The following SIGLEC6 variants were observed in gnomAD, a reference collection of about 807,000 sequenced individuals.
The protein encoded by SIGLEC6 is sialic acid binding Ig like lectin 6.
In SIGLEC6, 31 loss-of-function variants were observed where a neutral mutation model predicts 41.4. That is an observed-to-expected ratio of 0.75 (90% CI 0.56 to 1.01). The LOEUF (loss-of-function observed/expected upper bound fraction) is 1.01, where lower values mean the gene tolerates loss of function less well. Among genes scored for constraint, SIGLEC6 ranks in the 50% least tolerant of loss-of-function variants. The probability of loss-of-function intolerance (pLI) is 0.00; values close to 1 mark genes in which losing one functional copy is unlikely to be tolerated. For missense variants in SIGLEC6, 555 were observed against 558.6 expected (o/e 0.99, Z 0.06); for synonymous variants, 217 against 231.0 (o/e 0.94, Z 0.55).
At position 51,529,931 on chromosome 19, in the gene SIGLEC6, C is replaced by T. The variant is rs763172194; in HGVS notation, c.805G>A (p.Ala269Thr). ...TSSLPVLEGQ[A>T]LRLLCDADGN... ...TCAGCATCACAGAGCAGCCGCAGAG[C>T]CTGGCCCTCCAGGACAGGGAGGGAC... Residue 269 changes from alanine (A) to threonine (T), a missense_variant, in exon 5 of 8, where the codon GCT (alanine) becomes ACT (threonine). Transcript: ENST00000425629. 6.2e-6 allele frequency: 10 copies of T among 1,612,156 alleles called. No homozygotes were observed. The highest frequency in any genetic ancestry group is 5.9e-6 in the Non-Finnish European group (7 of 1,178,842).
Position 51,530,832 on chromosome 19 carries a change from A to G in SIGLEC6, c.555T>C (p.Ala185=). The change falls in exon 3 of 8, where the codon GCT becomes GCC. Residue 185 remains alanine (A), a synonymous_variant. Coordinates refer to ENST00000425629, the MANE Select transcript of SIGLEC6 (RefSeq NM_001245.7). ...TCCTGGGGCCCAGGGAGGTGGGGGC[A>G]GCTGACATCCAGGAGAAGATGGGGG... ...GTPPIFSWMS[A]APTSLGPRTT... The G allele has an allele frequency of 2.5e-6, 4 of 1,613,996 alleles. No individual in the cohort carries two copies. The highest frequency in any genetic ancestry group is 3.4e-6 in the Non-Finnish European group (4 of 1,179,982).
In SIGLEC6 at chr19:51,520,109, C is replaced by T. The variant is rs987073538; in HGVS notation, c.1335G>A (p.Glu445=). ...QPQEPKVTDT[E]YSEIKIHK is the part of the protein sequence containing the mutation. ...ACTTGTGTATCTTGATTTCTGAGTACTCAGTGTCGGTGACCTTTGGTTCCT... is the reference window on the plus strand; with the variant it reads ...ACTTGTGTATCTTGATTTCTGAGTATTCAGTGTCGGTGACCTTTGGTTCCT... The change falls in exon 8 of 8, where the codon GAG becomes GAA. Residue 445 remains glutamate, a synonymous_variant. Coordinates refer to ENST00000425629, the MANE Select transcript of SIGLEC6 (RefSeq NM_001245.7). 6.9e-6 allele frequency: 11 copies of T among 1,583,590 alleles called. No homozygotes were observed. The East Asian group carries it at 2.0e-4, about 29-fold the overall frequency.
intron 7 of SIGLEC6, among the ~76,000 whole-genome samples, chr19:51,520,914 G>A (rs575452879): frequency 3.3e-5 from 5 of 152,318 alleles, no homozygotes; most frequent in African/African-American, 1.2e-4. Context: ...TGTAGGTCAT[G>A]TGACATGTGC....
In SIGLEC6 at chr19:51,531,342, T is replaced by A. The variant is rs777049895; in HGVS notation, c.245A>T (p.Asp82Val). 1.2e-6 allele frequency: 2 copies of A among 1,614,164 alleles called. No individual in the cohort carries two copies. Among genetic ancestry groups the A allele is most frequent in the Non-Finnish European group, 1.7e-6 (2 of 1,180,018 alleles). ...CCGGGTCTCCTCCTGCACTTCTTCGTCTGGGTCGTTTGTGGCCACTGGAAC... is the reference window on the plus strand; with the variant it reads ...CCGGGTCTCCTCCTGCACTTCTTCGACTGGGTCGTTTGTGGCCACTGGAAC... ...ADVPVATNDPDEEVQEETRGR... is the reference protein window; with the variant it reads ...ADVPVATNDPVEEVQEETRGR... Residue 82 changes from aspartate (D) to valine (V), a missense_variant, in exon 2 of 8, where the codon GAC becomes GTC. By Grantham distance (152) the Asp-to-Val change is radical. Coordinates refer to ENST00000425629, the MANE Select transcript of SIGLEC6 (RefSeq NM_001245.7).
At chr19:51,523,177 T>C (rs1016248592) in intron 7 of SIGLEC6, among the ~76,000 whole-genome samples, 2 of 151,026 alleles carry the variant, frequency 1.3e-5, no homozygotes, top group African/African-American at 4.9e-5. Flanking sequence ...TTTCTAGAGA[T>C]GAAAAATGGC....
At position 51,527,772 on chromosome 19, in the gene SIGLEC6, T is replaced by A; in HGVS notation, c.1163A>T (p.Asn388Ile). ...AQPVQNTDDV[N>I]PVMVSGSRGH... ...CCTGGAGCCTGAGACCATGACGGGG[T>A]TCACATCATCCGTGTTTTGCACTGG... The change falls in exon 7 of 8, where the codon AAC (asparagine) becomes ATC (isoleucine). Residue 388 changes from asparagine to isoleucine, a missense_variant. Physicochemically the swap from Asn to Ile is moderately radical, Grantham distance 149. Transcript: ENST00000425629. 2 of 1,613,956 alleles carry A rather than the reference T, an allele frequency of 1.2e-6. No homozygotes were observed. Among genetic ancestry groups the A allele is most frequent in the Non-Finnish European group, 1.7e-6 (2 of 1,179,956 alleles).
Position 51,530,917 on chromosome 19 carries a change from T to G in SIGLEC6, c.470A>C (p.Glu157Ala). The G allele has an allele frequency of 6.2e-7, 1 of 1,613,242 alleles. No individual in the cohort carries two copies. The highest frequency in any genetic ancestry group is 1.1e-5 in the South Asian group (1 of 91,080). The change falls in exon 3 of 8, where the codon GAG becomes GCG. Residue 157 changes from glutamate to alanine, a missense_variant. Physicochemically the swap from Glu to Ala is moderately radical, Grantham distance 107. Coordinates refer to ENST00000425629, the MANE Select transcript of SIGLEC6 (RefSeq NM_001245.7). ...GGTCAGATTGCTGGGATGGCCAGAC[T>G]CCAGGGTCCCTGGGATGGAGATGTT... ...RPNISIPGTLESGHPSNLTCS... is the reference protein window; with the variant it reads ...RPNISIPGTLASGHPSNLTCS...
chr19:51,527,762 C>G lies in SIGLEC6; in HGVS notation c.1173G>C (p.Met391Ile), dbSNP rs1231598800. 1 of 1,614,056 alleles carries G rather than the reference C, an allele frequency of 6.2e-7. No individual in the cohort carries two copies. The highest frequency in any genetic ancestry group is 8.5e-7 in the Non-Finnish European group (1 of 1,179,980). ...VQNTDDVNPVMVSGSRGHQHQ... is the reference protein window; with the variant it reads ...VQNTDDVNPVIVSGSRGHQHQ... ...TGTCACTCACCCTGGAGCCTGAGAC[C>G]ATGACGGGGTTCACATCATCCGTGT... The change falls in exon 7 of 8, where the codon ATG becomes ATC. Residue 391 changes from methionine to isoleucine, a missense_variant. Coordinates refer to ENST00000425629, the MANE Select transcript of SIGLEC6 (RefSeq NM_001245.7).
chr19:51,517,906 T>G lies in SIGLEC6; in HGVS notation c.*2176A>C, dbSNP rs972324366. 1.3e-5 allele frequency among the ~76,000 whole-genome samples: 2 copies of G among 152,170 alleles called. No individual in the cohort carries two copies. Among genetic ancestry groups the G allele is most frequent in the Non-Finnish European group, 2.9e-5 (2 of 68,018 alleles). On this transcript the variant is annotated 3_prime_UTR_variant, in exon 8 of 8. Coordinates refer to ENST00000425629, the MANE Select transcript of SIGLEC6 (RefSeq NM_001245.7). ...TCTATTTACACTCTTCTGAACTTTA[T>G]GTTATTATAGTTTCTGGGCTATATA...
In SIGLEC6 at chr19:51,519,934, C is replaced by G; in HGVS notation, c.*148G>C. On this transcript the variant is annotated 3_prime_UTR_variant, in exon 8 of 8. Transcript: ENST00000425629. ...ACCAACCCTGATAACACCTTGTTCT[C>G]AGACCTCTAACATCTGAAACTATAC... 1.5e-6 allele frequency: 1 copy of G among 658,002 alleles called. No homozygotes were observed. Among genetic ancestry groups the G allele is most frequent in the Non-Finnish European group, 2.3e-6 (1 of 431,186 alleles). The allele number at this position is 658,002 out of a possible 1,614,324, so 40.8% of individuals were successfully genotyped here.
chr19:51,529,682 G>T (rs201279112), intron 5 of SIGLEC6, 42 bp downstream of exon 5: 1 of 1,611,176 alleles, frequency 6.2e-7, no homozygotes, highest in Non-Finnish European at 8.5e-7. Context: ...TGGAGCTCTC[G>T]CCCAGCTGCC....
At chr19:51,526,323 T>C (rs1004304445) in intron 7 of SIGLEC6, among the ~76,000 whole-genome samples, 12 of 152,166 alleles carry the variant, frequency 7.9e-5, no homozygotes, top group African/African-American at 2.7e-4. Flanking sequence ...GGAGCATGGC[T>C]GCAAATGTGA....
Position 51,530,455 on chromosome 19 carries a change from A to G in SIGLEC6, c.736T>C (p.Phe246Leu), listed in dbSNP as rs771431213. ...TTCCTACCTGCGCTGTTTCCTTGGAAGATGCTGATGGCCACTTTCTGTGGA... is the reference window on the plus strand; with the variant it reads ...TTCCTACCTGCGCTGTTTCCTTGGAGGATGCTGATGGCCACTTTCTGTGGA... ...YAPQKVAISI[F>L]QGNSAAFKIL... The change falls in exon 4 of 8, where the codon TTC (phenylalanine) becomes CTC (leucine). Residue 246 changes from phenylalanine to leucine, a missense_variant. Coordinates refer to ENST00000425629, the MANE Select transcript of SIGLEC6 (RefSeq NM_001245.7). The G allele has an allele frequency of 1.2e-6, 2 of 1,614,138 alleles. No individual in the cohort carries two copies. Among genetic ancestry groups the G allele is most frequent in the Admixed American group, 3.3e-5 (2 of 60,020 alleles).
At position 51,529,609 on chromosome 19, in the gene SIGLEC6, G is replaced by A. The variant is rs956378082; in HGVS notation, c.1012+115C>T. 7 of 1,340,254 alleles carry A rather than the reference G, an allele frequency of 5.2e-6. No homozygotes were observed. The Admixed American group carries it at 6.1e-5, about 12-fold the overall frequency. The allele number at this position is 1,340,254 out of a possible 1,614,324, so 83.0% of individuals were successfully genotyped here. A position where few individuals can be genotyped will look rare whatever the true frequency, so the allele number is the denominator to read the frequency against. ...GCCTCCCAGAGGTAGGAGGGTCCCAGCAGTTGTGAGGGGTCTGGGGAGGGA... is the reference window on the plus strand; with the variant it reads ...GCCTCCCAGAGGTAGGAGGGTCCCAACAGTTGTGAGGGGTCTGGGGAGGGA... On this transcript the variant is annotated intron_variant, in intron 5 of 7. Transcript: ENST00000425629.
rs747620579 is a variant in SIGLEC6 at position 51,531,355 on chromosome 19, T to C, written c.232A>G (p.Thr78Ala). Residue 78 changes from threonine to alanine, a missense_variant, in exon 2 of 8, where the codon ACA becomes GCA. By Grantham distance (58) the Thr-to-Ala change is moderately conservative. Transcript: ENST00000425629. ...TGCACTTCTTCGTCTGGGTCGTTTG[T>C]GGCCACTGGAACATCAGCCCCTTCC... The part of the protein sequence containing the change: ...FLEGADVPVA[T>A]NDPDEEVQEE... 29 of 1,614,044 alleles carry C rather than the reference T, an allele frequency of 1.8e-5. No homozygotes were observed. The highest frequency in any genetic ancestry group is 2.4e-5 in the Non-Finnish European group (28 of 1,180,024).
chr19:51,530,071 TGAG>T (rs1979990547), intron 4 of SIGLEC6, 90 bp from the exon 5 acceptor site: 2 of 1,445,282 alleles, frequency 1.4e-6, no homozygotes, highest in South Asian at 1.4e-5. Context: ...ACACTAGCTC[TGAG>T]GAGGAGACTA....
chr19:51,525,474 A>G (rs1979057535), intron 7 of SIGLEC6, among the ~76,000 whole-genome samples: 1 of 151,918 alleles, frequency 6.6e-6, no homozygotes, highest in African/African-American at 2.4e-5. Context: ...GTTATTCCTG[A>G]CTGAGAAGGA....
intron 7 of SIGLEC6, among the ~76,000 whole-genome samples, chr19:51,524,554 C>T (rs963331773): frequency 6.6e-6 from 1 of 152,156 alleles, no homozygotes; most frequent in African/African-American, 2.4e-5. Flanking sequence ...AATAACTTGA[C>T]CTGATTGACA....
rs780387273 is a variant in SIGLEC6, at chr19:51,530,674, C to A, written c.706+7G>T. The A allele has an allele frequency of 3.8e-5, 61 of 1,613,028 alleles. No homozygotes were observed. In the South Asian group the frequency reaches 4.0e-4, roughly 10 times the overall value. ...CAGGGACCCGGGCGTCCTGGCCCAG[C>A]ACTCACAGGAGACATTGAGCTGGAT... On this transcript the variant is annotated splice_region_variant and intron_variant, in intron 3 of 7. Coordinates refer to ENST00000425629, the MANE Select transcript of SIGLEC6 (RefSeq NM_001245.7).
Sources: gnomAD v4.1 joint callset for allele counts (sites outside exome capture counted in the v4.1 genomes callset) on GRCh38, gnomAD v4.1.1 for gene constraint, MANE v1.5 for transcripts, NCBI Gene and HGNC (gene_info 2026-07-23, HGNC 2026-07-21) for gene names.